Variants in MKX observed in about 807,000 individuals in gnomAD.
MKX encodes the protein homeobox protein Mohawk.
A neutral mutation model predicts 36.0 loss-of-function variants in MKX; 13 were observed. That is an observed-to-expected ratio of 0.36 (90% confidence interval 0.24 to 0.57). The LOEUF (loss-of-function observed/expected upper bound fraction) is 0.57. MKX is among the 20% of genes least tolerant of loss of function. MKX has a pLI of 0.79. For synonymous variants in MKX, 176 were observed against 178.3 expected (o/e 0.99, Z 0.10); for missense variants, 458 against 456.4 (o/e 1.00, Z -0.03).
chr10:27,680,929 C>A (rs1836242771), intron 5 of MKX, among the ~76,000 whole-genome samples: 2 of 152,188 alleles, frequency 1.3e-5, no homozygotes, highest in South Asian at 4.2e-4. Context: ...CAAAGACAGA[C>A]CACTAGGATT....
chr10:27,680,388 G>A (rs1459116115), intron 5 of MKX, among the ~76,000 whole-genome samples: 3 of 150,646 alleles, frequency 2.0e-5, no homozygotes, highest in African/African-American at 4.9e-5. Context: ...AAAAAAAGGT[G>A]TGTAGTTAGG....
chr10:27,731,097 G>GCACTC (rs1448147187), intron 5 of MKX, among the ~76,000 whole-genome samples: 1 of 141,428 alleles, frequency 7.1e-6, no homozygotes, highest in East Asian at 2.2e-4. Context: ...TCGTGCCACT[G>GCACTC]CACTCCAGCC....
chr10:27,702,668 CAAGAGAAGGA>C (rs986643749), intron 5 of MKX, among the ~76,000 whole-genome samples: 44 of 151,960 alleles, frequency 2.9e-4, no homozygotes, highest in African/African-American at 1.0e-3. Flanking sequence ...AAATTTAATG[CAAGAGAAGGA>C]AAGAGAAGGA....
chr10:27,719,285 G>A (rs530844503), intron 5 of MKX, among the ~76,000 whole-genome samples: 2 of 152,168 alleles, frequency 1.3e-5, no homozygotes, highest in African/African-American at 4.8e-5. Flanking sequence ...ACCGTGGAGA[G>A]TGTGAGCTGC....
At chr10:27,738,812 A>G (rs2132649533) in intron 3 of MKX, among the ~76,000 whole-genome samples, 1 of 152,238 alleles carries the variant, frequency 6.6e-6, no homozygotes, top group East Asian at 1.9e-4. Flanking sequence ...AACACACTGA[A>G]TTAACGAACT....
At chr10:27,738,533 G>A (rs1204945520) in intron 3 of MKX, among the ~76,000 whole-genome samples, 4 of 151,942 alleles carry the variant, frequency 2.6e-5, no homozygotes, top group East Asian at 1.9e-4. Context: ...GTGTATATAC[G>A]TATAGATGTT....
intron 5 of MKX, among the ~76,000 whole-genome samples, chr10:27,724,426 G>T (rs1368064756): frequency 6.6e-6 from 1 of 152,118 alleles, no homozygotes; most frequent in South Asian, 2.1e-4. Flanking sequence ...GCTTTGTTTG[G>T]TTGTGTGACC....
intron 5 of MKX, among the ~76,000 whole-genome samples, chr10:27,733,726 T>A (rs1183227977): frequency 2.0e-5 from 3 of 152,238 alleles, no homozygotes; most frequent in Admixed American, 1.3e-4. Flanking sequence ...ATACACTTCT[T>A]AAGAGCAAAC....
chr10:27,680,090 C>T (rs1277915192), intron 5 of MKX, among the ~76,000 whole-genome samples: 1 of 152,022 alleles, frequency 6.6e-6, no homozygotes, highest in African/African-American at 2.4e-5. Flanking sequence ...AGGGAAAATG[C>T]AAGTTGGAGC....
chr10:27,725,547 A>G (rs1834469563), intron 5 of MKX, among the ~76,000 whole-genome samples: 1 of 152,114 alleles, frequency 6.6e-6, no homozygotes, highest in Non-Finnish European at 1.5e-5. Flanking sequence ...GACTGGAAGA[A>G]AGCACATATT....
At chr10:27,722,217 C>A (rs1834394775) in intron 5 of MKX, among the ~76,000 whole-genome samples, 1 of 152,180 alleles carries the variant, frequency 6.6e-6, no homozygotes, top group African/African-American at 2.4e-5. Context: ...CCTCCTACCC[C>A]ATGGTCAGAG....
chr10:27,702,205 A>T (rs1405247256), intron 5 of MKX, among the ~76,000 whole-genome samples: 2 of 152,202 alleles, frequency 1.3e-5, no homozygotes, highest in Admixed American at 1.3e-4. Context: ...TAGGCCAGGA[A>T]GCCAAGGGAA....
intron 5 of MKX, among the ~76,000 whole-genome samples, chr10:27,697,218 G>T (rs1399843743): frequency 6.6e-6 from 1 of 152,170 alleles, no homozygotes; most frequent in Non-Finnish European, 1.5e-5. Context: ...ATCCTTGGAT[G>T]CCTGGCACTT....
intron 5 of MKX, among the ~76,000 whole-genome samples, chr10:27,713,233 T>G (rs149783559): frequency 3.5e-4 from 54 of 152,306 alleles, no homozygotes; most frequent in African/African-American, 1.2e-3. Flanking sequence ...TAGTGTGCAA[T>G]CAAGTATTTA....
chr10:27,705,173 T>TC (rs1477042304), intron 5 of MKX, among the ~76,000 whole-genome samples: 11 of 152,090 alleles, frequency 7.2e-5, no homozygotes, highest in African/African-American at 2.7e-4. Context: ...ACAAGGATTC[T>TC]CATCCTTAGT....
At position 27,715,551 on chromosome 10, in the gene MKX, C is replaced by T. The variant is rs77530955; in HGVS notation, c.838+18905G>A. Among the ~76,000 whole-genome samples the T allele has an allele frequency of 1.1e-4, 17 of 152,214 alleles. No individual in the cohort carries two copies. In the East Asian group the frequency reaches 3.1e-3, roughly 28 times the overall value. On this transcript the variant is annotated intron_variant, in intron 5 of 6. Coordinates refer to ENST00000419761, the MANE Select transcript of MKX (RefSeq NM_173576.3). ...TGCAAACTCTCTCACACTGTTAATCCCCTCAGAGATTTAGAAATTCTGCCT... is the reference window on the plus strand; with the variant it reads ...TGCAAACTCTCTCACACTGTTAATCTCCTCAGAGATTTAGAAATTCTGCCT...
At chr10:27,733,288 G>A (rs1182539081) in intron 5 of MKX, among the ~76,000 whole-genome samples, 1 of 152,084 alleles carries the variant, frequency 6.6e-6, no homozygotes, top group Non-Finnish European at 1.5e-5. Flanking sequence ...TCAGATTGCT[G>A]GTGAAATGAT....
intron 5 of MKX, among the ~76,000 whole-genome samples, chr10:27,720,179 C>G (rs1490997349): frequency 6.6e-6 from 1 of 151,978 alleles, no homozygotes; most frequent in Admixed American, 6.6e-5. Flanking sequence ...CAAGTGAATT[C>G]TTTTAAACTT....
Position 27,744,197 on chromosome 10 carries a change from T to A in MKX, c.-82-700A>T, listed in dbSNP as rs1834993327. Among the ~76,000 whole-genome samples the A allele has an allele frequency of 6.6e-6, 1 of 151,758 alleles. No individual in the cohort carries two copies. Among genetic ancestry groups the A allele is most frequent in the East Asian group, 1.9e-4 (1 of 5,140 alleles). On this transcript the variant is annotated intron_variant, in intron 1 of 6. Transcript: ENST00000419761. The surrounding 1 kb of genome is among the most constrained non-coding windows in gnomAD (Gnocchi z 5.6). ...CTTCTCTCCCAGAATCTTCCTATCA[T>A]CCCCCAACGCGCCCCGGGAAGTGCA...
Sources: gnomAD v4.1 joint callset for allele counts (sites outside exome capture counted in the v4.1 genomes callset) on GRCh38, gnomAD v4.1.1 for gene constraint, Gnocchi (gnomAD v3.1) non-coding constraint, MANE v1.5 for transcripts, NCBI Gene and HGNC (gene_info 2026-07-23, HGNC 2026-07-21) for gene names.